Variants in OPHN1 observed in about 807,000 individuals in gnomAD.
The protein encoded by OPHN1 is oligophrenin-1.
OPHN1 carries 11 observed loss-of-function variants against 60.7 expected under a neutral mutation model. The observed-to-expected ratio is 0.18, with a 90% confidence interval of 0.11 to 0.30. OPHN1 has a LOEUF of 0.30. OPHN1 is among the 10% of genes least tolerant of loss of function. The pLI, the probability that OPHN1 is intolerant of heterozygous loss-of-function variation, is 1.00. For missense variants in OPHN1, 449 were observed against 611.0 expected, an observed-to-expected ratio of 0.73 and a Z score of 2.80; for synonymous variants, 226 against 222.6, an observed-to-expected ratio of 1.02 and a Z score of -0.14.
intron 15 of OPHN1, among the ~76,000 whole-genome samples, chrX:68,126,506 G>T (rs759990946): frequency 9.1e-6 from 1 of 110,366 alleles, no homozygotes; most frequent in Non-Finnish European, 1.9e-5. Flanking sequence ...GTGCAGTGGC[G>T]CAATCTCGGC....
chrX:68,056,203 G>A (rs1195827753), intron 21 of OPHN1, among the ~76,000 whole-genome samples: 8 of 111,028 alleles, frequency 7.2e-5, no homozygotes, highest in Non-Finnish European at 1.1e-4. Flanking sequence ...GTAAGTAAGC[G>A]TCAGACTCTG....
intron 15 of OPHN1, among the ~76,000 whole-genome samples, chrX:68,185,673 A>G (rs1249993797): frequency 9.1e-6 from 1 of 109,872 alleles, no homozygotes; most frequent in Non-Finnish European, 1.9e-5. Context: ...AGAATAAGAG[A>G]AAAAAAAAGA....
intron 15 of OPHN1, among the ~76,000 whole-genome samples, chrX:68,173,664 G>GA (rs1431063123): frequency 2.2e-3 from 220 of 100,500 alleles, no homozygotes; most frequent in African/African-American, 3.5e-3. Context: ...GACCAAATTA[G>GA]AAAAAAAAAA....
intron 2 of OPHN1, among the ~76,000 whole-genome samples, chrX:68,330,212 G>A (rs777047517): frequency 5.5e-5 from 6 of 109,019 alleles, no homozygotes; most frequent in African/African-American, 1.3e-4. Flanking sequence ...CGATTCTCCC[G>A]CCTCAGCCTC....
intron 2 of OPHN1, among the ~76,000 whole-genome samples, chrX:68,317,019 C>T (rs1602319351): frequency 9.1e-6 from 1 of 110,477 alleles, no homozygotes; most frequent in Non-Finnish European, 1.9e-5. Flanking sequence ...CAGTAACAGG[C>T]TGGGCACGGT....
intron 6 of OPHN1, among the ~76,000 whole-genome samples, chrX:68,221,140 A>T (rs1437657913): frequency 3.6e-5 from 3 of 84,234 alleles, no homozygotes; most frequent in African/African-American, 1.2e-4. Flanking sequence ...CACCAACAAC[A>T]GACAGAGAGC....
chrX:68,213,794 C>A, intron 7 of OPHN1, 68 bp downstream of exon 7: 1 of 652,834 alleles, frequency 1.5e-6, no homozygotes. Flanking sequence ...TTTTTATGAT[C>A]AAAGTTTGTA....
intron 5 of OPHN1, among the ~76,000 whole-genome samples, chrX:68,249,644 G>T (rs2077823809): frequency 8.9e-6 from 1 of 111,921 alleles, no homozygotes; most frequent in Non-Finnish European, 1.9e-5. Context: ...CAGCTGTGGA[G>T]CTGACAGCTG....
chrX:68,320,614 G>T (rs1352885236), intron 2 of OPHN1, among the ~76,000 whole-genome samples: 1 of 110,363 alleles, frequency 9.1e-6, no homozygotes, highest in African/African-American at 3.3e-5. Context: ...AAATGGTTGG[G>T]AATTTTCCCC....
In OPHN1 at chrX:68,113,256, T is replaced by C. The variant is rs370967611; in HGVS notation, c.1362-17A>G. ...GAAAGATTCCTGAAATGAATGAAAA[T>C]TGTCAGTTGCTTTGGGAAGAAAGCA... On this transcript the variant is annotated splice_polypyrimidine_tract_variant and intron_variant, in intron 16 of 24. Transcript: ENST00000355520. 1.1e-5 allele frequency: 13 copies of C among 1,189,204 alleles called. No individual in the cohort carries two copies. In the African/African-American group the frequency reaches 2.1e-4, roughly 19 times the overall value.
chrX:68,416,499 T>C (rs2078800078), intron 2 of OPHN1, among the ~76,000 whole-genome samples: 1 of 111,586 alleles, frequency 9.0e-6, no homozygotes, highest in East Asian at 2.8e-4. Flanking sequence ...AGTGTGTTTC[T>C]GAATGCCCAC....
intron 4 of OPHN1, among the ~76,000 whole-genome samples, chrX:68,276,565 G>A (rs150422270): frequency 0.032 from 3,596 of 111,658 alleles, 55 homozygotes; most frequent in Non-Finnish European, 0.047. Flanking sequence ...AGTTATTGGT[G>A]TCATAGGTCC....
chrX:68,163,052 G>A (rs992965305), intron 15 of OPHN1, among the ~76,000 whole-genome samples: 3 of 110,644 alleles, frequency 2.7e-5, no homozygotes, highest in African/African-American at 6.5e-5. Flanking sequence ...AGGCTTTCGC[G>A]AACTCCAACT....
intron 10 of OPHN1, among the ~76,000 whole-genome samples, chrX:68,205,979 AGTGTGTGTGTGTGT>A (rs1228949782): frequency 3.3e-5 from 3 of 91,220 alleles, no homozygotes; most frequent in African/African-American, 1.3e-4. Context: ...AGTGTGTGTG[AGTGTGTGTGTGTGT>A]GTGTGTGTGT....
chrX:68,322,848 A>G lies in OPHN1; in HGVS notation c.155-23752T>C, dbSNP rs764859543. 1.2e-4 allele frequency among the ~76,000 whole-genome samples: 13 copies of G among 111,964 alleles called. No homozygotes were observed. In the South Asian group the frequency reaches 2.3e-3, roughly 19 times the overall value. On this transcript the variant is annotated intron_variant, in intron 2 of 24. Coordinates refer to ENST00000355520, the MANE Select transcript of OPHN1 (RefSeq NM_002547.3). Reference sequence around the variant, plus strand: ...CAATACCAATACAAATAAATCAATTATTGACATATGCAATAACTTGCAAGA... The same window carrying G: ...CAATACCAATACAAATAAATCAATTGTTGACATATGCAATAACTTGCAAGA...
At chrX:68,396,712 G>C (rs1157830206) in intron 2 of OPHN1, among the ~76,000 whole-genome samples, 1 of 111,090 alleles carries the variant, frequency 9.0e-6, no homozygotes, top group Non-Finnish European at 1.9e-5. Context: ...CTACCCGGGA[G>C]GCTGAGGCAG....
intron 2 of OPHN1, among the ~76,000 whole-genome samples, chrX:68,314,057 A>T (rs758063207): frequency 8.9e-6 from 1 of 111,886 alleles, no homozygotes; most frequent in South Asian, 3.7e-4. Flanking sequence ...ATTTTACATG[A>T]ATCAATAGGA....
At chrX:68,317,539 A>AAAG (rs796705961) in intron 2 of OPHN1, among the ~76,000 whole-genome samples, 4 of 58,951 alleles carry the variant, frequency 6.8e-5, no homozygotes, top group Non-Finnish European at 1.1e-4. Context: ...AAGAAAGAAA[A>AAAG]AAAGAAAGAA....
rs192543052 is a variant in OPHN1 at position 68,247,449 on chromosome X, G to C, written c.385-12861C>G. ...TAAGCTTGTAACAGGCATAGACTTA[G>C]TTCTGAGGGGAATCTACAGAGGACA... is the stretch of plus-strand genomic sequence containing the variant. On this transcript the variant is annotated intron_variant, in intron 5 of 24. Coordinates refer to ENST00000355520, the MANE Select transcript of OPHN1 (RefSeq NM_002547.3). Among the ~76,000 whole-genome samples the C allele has an allele frequency of 8.1e-5, 9 of 111,610 alleles. No homozygotes were observed. In the East Asian group the frequency reaches 2.5e-3, roughly 31 times the overall value.
Sources: allele counts gnomAD v4.1 joint callset (sites outside exome capture counted in the v4.1 genomes callset), GRCh38; gene constraint gnomAD v4.1.1; transcripts MANE v1.5; gene names NCBI Gene and HGNC (gene_info 2026-07-23, HGNC 2026-07-21).